Variants in GRIK3 observed in about 807,000 individuals in gnomAD.
The protein encoded by GRIK3 is glutamate ionotropic receptor kainate type subunit 3.
A neutral mutation model predicts 102.5 loss-of-function variants in GRIK3; 29 were observed. The observed-to-expected ratio is 0.28, with a 90% confidence interval of 0.21 to 0.39. The LOEUF is 0.39. GRIK3 is among the 10% of genes least tolerant of loss of function. The probability of loss-of-function intolerance (pLI) is 1.00; values close to 1 mark genes in which losing one functional copy is unlikely to be tolerated. For missense variants in GRIK3, 908 were observed against 1,252.4 expected (o/e 0.73, Z 4.15); for synonymous variants, 511 against 504.9 (o/e 1.01, Z -0.16).
intron 1 of GRIK3, among the ~76,000 whole-genome samples, chr1:36,979,791 T>C (rs1383130026): frequency 2.0e-5 from 3 of 152,134 alleles, no homozygotes; most frequent in Non-Finnish European, 4.4e-5. Flanking sequence ...AAGCCACAGA[T>C]TGCAGAGGAT....
At chr1:36,966,862 T>C (rs56211738) in intron 1 of GRIK3, among the ~76,000 whole-genome samples, 25,400 of 151,800 alleles carry the variant, frequency 0.17, 2,270 homozygotes, top group South Asian at 0.2. Flanking sequence ...GCATGGTGAG[T>C]CCCTCATTCA....
chr1:36,974,946 C>T (rs1237743386), intron 1 of GRIK3, among the ~76,000 whole-genome samples: 1 of 152,042 alleles, frequency 6.6e-6, no homozygotes, highest in Non-Finnish European at 1.5e-5. Context: ...CTAGAATAGG[C>T]ACCTTTATAG....
chr1:37,008,107 C>T (rs192967016), intron 1 of GRIK3, among the ~76,000 whole-genome samples: 4 of 152,182 alleles, frequency 2.6e-5, no homozygotes, highest in East Asian at 1.9e-4. Context: ...CCTCCCAGCA[C>T]GCGGAGGGGC....
intron 1 of GRIK3, among the ~76,000 whole-genome samples, chr1:36,955,686 C>T (rs1641898043): frequency 6.6e-6 from 1 of 152,258 alleles, no homozygotes; most frequent in African/African-American, 2.4e-5. Context: ...AACACAACAA[C>T]AGAAGGCTCA....
chr1:36,906,600 G>C (rs1441925430), intron 1 of GRIK3, among the ~76,000 whole-genome samples: 1 of 151,126 alleles, frequency 6.6e-6, no homozygotes, highest in East Asian at 1.9e-4. Context: ...TGTCTGCAAA[G>C]GATCGGAGGG....
intron 1 of GRIK3, among the ~76,000 whole-genome samples, chr1:37,008,023 C>T (rs1237964274): frequency 1.3e-5 from 2 of 152,210 alleles, no homozygotes; most frequent in Non-Finnish European, 2.9e-5. Context: ...GGTGAACGTG[C>T]CCAGCACAAA....
At chr1:37,020,246 C>G (rs1052033490) in intron 1 of GRIK3, among the ~76,000 whole-genome samples, 1 of 152,172 alleles carries the variant, frequency 6.6e-6, no homozygotes, top group African/African-American at 2.4e-5. Flanking sequence ...CCAGACACAT[C>G]CAGGTGGTAG....
chr1:36,873,647 C>T (rs753345433), intron 3 of GRIK3, among the ~76,000 whole-genome samples: 6 of 152,082 alleles, frequency 3.9e-5, no homozygotes. Context: ...CCCTGCCCCC[C>T]CACCACTAAT....
chr1:36,952,199 C>T (rs1425268952), intron 1 of GRIK3, among the ~76,000 whole-genome samples: 1 of 152,222 alleles, frequency 6.6e-6, no homozygotes, highest in Non-Finnish European at 1.5e-5. Context: ...GCCTACTCAT[C>T]CCTCAAAACC....
intron 1 of GRIK3, among the ~76,000 whole-genome samples, chr1:36,941,331 C>A (rs189754167): frequency 7.8e-4 from 119 of 152,328 alleles, no homozygotes; most frequent in Admixed American, 7.4e-3. Flanking sequence ...AATAAAACAA[C>A]CTTTTTATCT....
rs373979720 is a variant in GRIK3, at chr1:37,002,408, G to T, written c.115+31586C>A. ...ACCTACTGCCCAATATGAAGTAAAGGTGCGATGGAGAGAAAAACAGCATTT... is the reference window on the plus strand; with the variant it reads ...ACCTACTGCCCAATATGAAGTAAAGTTGCGATGGAGAGAAAAACAGCATTT... On this transcript the variant is annotated intron_variant, in intron 1 of 15. Transcript: ENST00000373091. Among the ~76,000 whole-genome samples the T allele has an allele frequency of 5.3e-5, 8 of 152,284 alleles. No individual in the cohort carries two copies. The South Asian group carries it at 1.2e-3, about 24-fold the overall frequency.
intron 1 of GRIK3, among the ~76,000 whole-genome samples, chr1:36,905,379 C>T (rs1641275282): frequency 6.6e-6 from 1 of 151,100 alleles, no homozygotes; most frequent in Non-Finnish European, 1.5e-5. Flanking sequence ...AGGACACACA[C>T]TAAAATGTTA....
intron 3 of GRIK3, among the ~76,000 whole-genome samples, chr1:36,874,497 G>C (rs1640890231): frequency 1.3e-5 from 2 of 152,204 alleles, no homozygotes; most frequent in African/African-American, 2.4e-5. Flanking sequence ...TACCAGACTT[G>C]ATGGGGAGGA....
intron 1 of GRIK3, among the ~76,000 whole-genome samples, chr1:36,984,991 C>CA (rs1436329722): frequency 2.6e-5 from 4 of 152,146 alleles, no homozygotes; most frequent in Non-Finnish European, 4.4e-5. Context: ...CAGGGACCAG[C>CA]ACAGTGGTCA....
intron 13 of GRIK3, among the ~76,000 whole-genome samples, chr1:36,813,200 C>T (rs1345501176): frequency 6.6e-6 from 1 of 152,202 alleles, no homozygotes; most frequent in Non-Finnish European, 1.5e-5. Context: ...GTCAGTTAGC[C>T]TCTCTGGGCC....
intron 1 of GRIK3, among the ~76,000 whole-genome samples, chr1:36,896,873 C>T (rs1418936463): frequency 6.6e-6 from 1 of 152,066 alleles, no homozygotes; most frequent in East Asian, 1.9e-4. Flanking sequence ...TATAATACAT[C>T]ATAGTAACAG....
At chr1:37,018,964 C>T (rs1483155345) in intron 1 of GRIK3, among the ~76,000 whole-genome samples, 3 of 152,140 alleles carry the variant, frequency 2.0e-5, no homozygotes, top group Non-Finnish European at 2.9e-5. Flanking sequence ...GCCCCCGAAG[C>T]GACTGACTTC....
intron 1 of GRIK3, among the ~76,000 whole-genome samples, chr1:36,999,101 G>C (rs186620094): frequency 6.6e-6 from 1 of 152,084 alleles, no homozygotes; most frequent in African/African-American, 2.4e-5. Context: ...GGAACAGATG[G>C]GGCATGGAGT....
At chr1:37,003,701 A>C (rs1035464736) in intron 1 of GRIK3, among the ~76,000 whole-genome samples, 2 of 152,160 alleles carry the variant, frequency 1.3e-5, no homozygotes, top group African/African-American at 4.8e-5. Flanking sequence ...CTTGTCTTGC[A>C]ACTTTTCCTT....
Sources: allele counts gnomAD v4.1 joint callset (sites outside exome capture counted in the v4.1 genomes callset), GRCh38; gene constraint gnomAD v4.1.1; transcripts MANE v1.5; gene names NCBI Gene and HGNC (gene_info 2026-07-23, HGNC 2026-07-21).